Variants in ITPR1 observed in about 807,000 individuals in gnomAD.
ITPR1 encodes the protein inositol 1,4,5-trisphosphate-gated calcium channel ITPR1.
Under a neutral mutation model 318.4 loss-of-function variants are expected in ITPR1, and 96 were observed. That is an observed-to-expected ratio of 0.30 (90% CI 0.26 to 0.36). The LOEUF (loss-of-function observed/expected upper bound fraction) is 0.36, where lower values mean the gene tolerates loss of function less well. ITPR1 is among the 10% of genes least tolerant of loss of function. The pLI is 1.00. For synonymous variants in ITPR1, 1,312 were observed against 1,289.9 expected, an observed-to-expected ratio of 1.02 and a Z score of -0.37; for missense variants, 2,440 against 3,460.2, an observed-to-expected ratio of 0.71 and a Z score of 7.40.
chr3:4,793,127 T>C (rs1460112041), intron 52 of ITPR1, among the ~76,000 whole-genome samples: 1 of 152,202 alleles, frequency 6.6e-6, no homozygotes. Flanking sequence ...ACCTAGTTGA[T>C]TTGAAGGACT....
intron 20 of ITPR1, among the ~76,000 whole-genome samples, chr3:4,671,285 T>A (rs2094074875): frequency 6.6e-6 from 1 of 152,198 alleles, no homozygotes; most frequent in Non-Finnish European, 1.5e-5. Flanking sequence ...GATTTTATGC[T>A]CTAATTTCTT....
intron 36 of ITPR1, among the ~76,000 whole-genome samples, chr3:4,704,131 G>A (rs1225563803): frequency 6.6e-6 from 1 of 152,214 alleles, no homozygotes; most frequent in African/African-American, 2.4e-5. Flanking sequence ...ACCTGTTGGA[G>A]GCCGGGCGCA....
chr3:4,672,999 G>A (rs939996754), intron 20 of ITPR1, 137 bp from the exon 21 acceptor site: 1 of 851,686 alleles, frequency 1.2e-6, no homozygotes, highest in Middle Eastern at 3.6e-4. Flanking sequence ...GTATACAAGA[G>A]CAATTTAGGG....
intron 2 of ITPR1, among the ~76,000 whole-genome samples, chr3:4,511,709 CA>C (rs2081839137): frequency 6.6e-6 from 1 of 152,178 alleles, no homozygotes; most frequent in South Asian, 2.1e-4. Flanking sequence ...TGAAGTTCTT[CA>C]GTGAGTAAGT....
At chr3:4,605,855 A>G (rs1019732269) in intron 4 of ITPR1, among the ~76,000 whole-genome samples, 4 of 152,004 alleles carry the variant, frequency 2.6e-5, no homozygotes, top group African/African-American at 9.7e-5. Context: ...TCCTCTCTCC[A>G]CATCCTCTGC....
chr3:4,675,384 A>T (rs1214393170), intron 23 of ITPR1, 136 bp downstream of exon 23: 1 of 636,522 alleles, frequency 1.6e-6, no homozygotes, highest in Non-Finnish European at 2.6e-6. Flanking sequence ...GAACATTTTC[A>T]AATACTGTGT....
At chr3:4,514,997 A>G (rs2082081437) in intron 2 of ITPR1, among the ~76,000 whole-genome samples, 1 of 152,188 alleles carries the variant, frequency 6.6e-6, no homozygotes. Flanking sequence ...CTCAAGGTCT[A>G]GAGATGCTGG....
At chr3:4,498,062 A>G (rs1022372145) in intron 2 of ITPR1, among the ~76,000 whole-genome samples, 1 of 152,186 alleles carries the variant, frequency 6.6e-6, no homozygotes, top group Non-Finnish European at 1.5e-5. Flanking sequence ...AGGGGGAGTT[A>G]GTGTTTATTG....
intron 2 of ITPR1, among the ~76,000 whole-genome samples, chr3:4,508,439 G>A (rs2081546731): frequency 6.9e-6 from 1 of 145,274 alleles, no homozygotes; most frequent in Non-Finnish European, 1.5e-5. Flanking sequence ...GGAATTCTGT[G>A]TAGGCGAAAA....
intron 4 of ITPR1, among the ~76,000 whole-genome samples, chr3:4,609,196 C>G (rs1261969575): frequency 6.7e-6 from 1 of 149,674 alleles, no homozygotes; most frequent in Non-Finnish European, 1.5e-5. Context: ...AGAATCTCTA[C>G]TATGATAAGC....
rs1575871451 is a variant in ITPR1 at position 4,645,292 on chromosome 3, G to A, written c.625-95G>A. The A allele has an allele frequency of 1.1e-5, 9 of 830,636 alleles. No individual in the cohort carries two copies. The East Asian group carries it at 2.3e-4, about 22-fold the overall frequency. The allele number at this position is 830,636 out of a possible 1,614,324, so 51.5% of individuals were successfully genotyped here. On this transcript the variant is annotated intron_variant, in intron 8 of 61. Transcript: ENST00000649015. ...TTTAGAGTTTTTAGTCTCAAGTACA[G>A]CCTTGCTTCCTAGGCTGCGGTGAGA...
intron 10 of ITPR1, 126 bp downstream of exon 10, chr3:4,645,854 A>T: frequency 1.3e-6 from 1 of 757,070 alleles, no homozygotes; most frequent in South Asian, 1.6e-5. Flanking sequence ...ACACCCACAT[A>T]CACACACCTA....
intron 4 of ITPR1, among the ~76,000 whole-genome samples, chr3:4,545,524 G>T (rs1479197992): frequency 6.6e-6 from 1 of 151,174 alleles, no homozygotes; most frequent in Non-Finnish European, 1.5e-5. Flanking sequence ...TGAGGAGGCT[G>T]AGGTGTAAGG....
chr3:4,648,029 G>C (rs2093502758), intron 10 of ITPR1, among the ~76,000 whole-genome samples: 2 of 152,242 alleles, frequency 1.3e-5, no homozygotes, highest in African/African-American at 4.8e-5. Context: ...GCACATGCCT[G>C]TAATCCCAGC....
intron 4 of ITPR1, among the ~76,000 whole-genome samples, chr3:4,542,189 T>C (rs1189963247): frequency 2.6e-5 from 4 of 152,248 alleles, no homozygotes; most frequent in Non-Finnish European, 1.5e-5. Flanking sequence ...AAATATATTC[T>C]ATCTCTAAAA....
At chr3:4,741,887 C>T (rs977587957) in intron 44 of ITPR1, among the ~76,000 whole-genome samples, 2 of 152,086 alleles carry the variant, frequency 1.3e-5, no homozygotes, top group Non-Finnish European at 2.9e-5. Flanking sequence ...GTTTTCTAAC[C>T]TCAGGTTTTA....
intron 4 of ITPR1, among the ~76,000 whole-genome samples, chr3:4,598,188 T>C (rs1263988614): frequency 6.6e-6 from 1 of 152,192 alleles, no homozygotes; most frequent in African/African-American, 2.4e-5. Context: ...AGGAAGCAAA[T>C]CCTCCTCTGT....
chr3:4,817,542 T>C (rs960429377), intron 59 of ITPR1: 1 of 152,242 alleles, frequency 6.6e-6, no homozygotes, highest in Admixed American at 6.5e-5. Context: ...ATATATTTAT[T>C]TGATCAATCC....
chr3:4,807,232 A>C (rs1280035708), intron 55 of ITPR1, among the ~76,000 whole-genome samples: 7 of 144,898 alleles, frequency 4.8e-5, no homozygotes, highest in African/African-American at 1.3e-4. Flanking sequence ...TGCTTAGAAA[A>C]CCCCCCCGAA....
Sources: allele counts gnomAD v4.1 joint callset (sites outside exome capture counted in the v4.1 genomes callset), GRCh38; gene constraint gnomAD v4.1.1; transcripts MANE v1.5; gene names NCBI Gene and HGNC (gene_info 2026-07-23, HGNC 2026-07-21).